DIAPH2: variants seen among roughly 807,000 people sequenced by gnomAD.
The protein encoded by DIAPH2 is diaphanous related formin 2.
In DIAPH2, 35 loss-of-function variants were observed where a neutral mutation model predicts 92.7. The observed-to-expected ratio is 0.38, with a 90% CI of 0.29 to 0.50. The LOEUF (loss-of-function observed/expected upper bound fraction) is 0.50. Ranked by LOEUF, DIAPH2 falls within the 20% of genes least tolerant of loss-of-function variation. The probability of loss-of-function intolerance (pLI) is 0.94; values close to 1 mark genes in which losing one functional copy is unlikely to be tolerated. For synonymous variants in DIAPH2, 301 were observed against 280.4 expected, an observed-to-expected ratio of 1.07 and a Z score of -0.73; for missense variants, 701 against 819.5, an observed-to-expected ratio of 0.86 and a Z score of 1.77.
chrX:97,515,693 A>C (rs189694403), intron 26 of DIAPH2, among the ~76,000 whole-genome samples: 58 of 111,381 alleles, frequency 5.2e-4, no homozygotes, highest in African/African-American at 1.9e-3. Flanking sequence ...TTGTATCTTC[A>C]GAGATAAGGA....
intron 26 of DIAPH2, among the ~76,000 whole-genome samples, chrX:97,539,869 A>G (rs933744573): frequency 1.8e-5 from 2 of 111,927 alleles, no homozygotes; most frequent in Non-Finnish European, 3.8e-5. Flanking sequence ...ACACAAATTT[A>G]TACTTACTTC....
intron 22 of DIAPH2, among the ~76,000 whole-genome samples, chrX:97,220,210 C>T (rs762849780): frequency 9.1e-6 from 1 of 110,402 alleles, no homozygotes; most frequent in Admixed American, 9.7e-5. Flanking sequence ...TCAGTTCAGG[C>T]CTGACTCCTA....
intron 1 of DIAPH2, among the ~76,000 whole-genome samples, chrX:96,710,745 T>C (rs1374632588): frequency 9.0e-6 from 1 of 110,714 alleles, no homozygotes; most frequent in Non-Finnish European, 1.9e-5. Context: ...AACGGGGGGT[T>C]TTTGGTTACA....
At chrX:97,173,948 T>G (rs752823241) in intron 22 of DIAPH2, among the ~76,000 whole-genome samples, 1 of 106,956 alleles carries the variant, frequency 9.3e-6, no homozygotes, top group Non-Finnish European at 1.9e-5. Context: ...AATAGAATAG[T>G]ATCTAATGGT....
intron 1 of DIAPH2, among the ~76,000 whole-genome samples, chrX:96,708,246 ATT>A (rs761334810): frequency 1.4e-4 from 5 of 36,020 alleles, no homozygotes; most frequent in Non-Finnish European, 2.3e-4. Flanking sequence ...CACCCAGATC[ATT>A]TTTTTTTTTT....
At chrX:97,402,904 G>A in intron 25 of DIAPH2, among the ~76,000 whole-genome samples, 1 of 112,229 alleles carries the variant, frequency 8.9e-6, no homozygotes, top group South Asian at 3.7e-4. Flanking sequence ...TGTGAAAAAT[G>A]GACAACCAAG....
intron 22 of DIAPH2, among the ~76,000 whole-genome samples, chrX:97,196,202 A>T (rs1178995265): frequency 1.1e-5 from 1 of 90,086 alleles, no homozygotes; most frequent in Non-Finnish European, 2.1e-5. Flanking sequence ...AGTGATACAC[A>T]TACACACACA....
chrX:96,825,120 A>ATT (rs72064770), intron 4 of DIAPH2, among the ~76,000 whole-genome samples: 31 of 89,419 alleles, frequency 3.5e-4, no homozygotes, highest in African/African-American at 1.1e-3. Context: ...TAATTTTTGT[A>ATT]TTTTTTTTTT....
chrX:96,953,908 G>C (rs1188927783), intron 15 of DIAPH2: 1 of 111,826 alleles, frequency 8.9e-6, no homozygotes, highest in Non-Finnish European at 1.9e-5. Context: ...ATTCCTACTA[G>C]TTCAGTTTCA....
chrX:97,124,572 G>T (rs1413208482), intron 21 of DIAPH2, among the ~76,000 whole-genome samples: 1 of 112,105 alleles, frequency 8.9e-6, no homozygotes. Context: ...AATGTAATTT[G>T]TCTGATGCAG....
chrX:96,901,532 GTTTTTTTTTTTTTT>G (rs369526046), intron 5 of DIAPH2, among the ~76,000 whole-genome samples: 49 of 33,091 alleles, frequency 1.5e-3, no homozygotes, highest in African/African-American at 3.5e-3. Flanking sequence ...TTTTCTTTCT[GTTTTTTTTTTTTTT>G]TTTTTTTTTT....
At chrX:96,724,924 T>C (rs1044908505) in intron 1 of DIAPH2, among the ~76,000 whole-genome samples, 2 of 111,740 alleles carry the variant, frequency 1.8e-5, no homozygotes, top group African/African-American at 6.5e-5. Context: ...GCTCATCTTT[T>C]TTATATTGCA....
At chrX:96,938,104 G>T (rs767819433) in intron 11 of DIAPH2, among the ~76,000 whole-genome samples, 17 of 110,746 alleles carry the variant, frequency 1.5e-4, no homozygotes, top group Admixed American at 2.9e-4. Context: ...CCCAAAGCTG[G>T]AAGTAATATT....
chrX:96,686,986 A>G (rs1440835508), intron 1 of DIAPH2, among the ~76,000 whole-genome samples: 1 of 111,726 alleles, frequency 9.0e-6, no homozygotes, highest in Non-Finnish European at 1.9e-5. Flanking sequence ...GATAGAAATT[A>G]TTTGTGTAGG....
intron 26 of DIAPH2, among the ~76,000 whole-genome samples, chrX:97,594,669 C>A (rs1177967480): frequency 1.8e-5 from 2 of 112,812 alleles, no homozygotes; most frequent in Non-Finnish European, 3.7e-5. Context: ...TTGGAGAAAG[C>A]AAAGCTCATT....
intron 22 of DIAPH2, among the ~76,000 whole-genome samples, chrX:97,152,990 G>A (rs1198968906): frequency 8.9e-6 from 1 of 111,754 alleles, no homozygotes; most frequent in Non-Finnish European, 1.9e-5. Context: ...TGAGAATCAG[G>A]ACACACACAT....
intron 23 of DIAPH2, among the ~76,000 whole-genome samples, chrX:97,300,416 T>C (rs1419722930): frequency 9.0e-6 from 1 of 110,502 alleles, no homozygotes; most frequent in Non-Finnish European, 1.9e-5. Flanking sequence ...GAAAAAGAAA[T>C]AACATTTTCT....
intron 5 of DIAPH2, among the ~76,000 whole-genome samples, chrX:96,882,683 G>A (rs1301456331): frequency 2.7e-5 from 3 of 109,868 alleles, no homozygotes; most frequent in East Asian, 2.9e-4. Context: ...TTGGCCGGGC[G>A]TGGGGGCTCA....
At chrX:97,324,691 T>A (rs1214160467) in intron 23 of DIAPH2, among the ~76,000 whole-genome samples, 1 of 112,288 alleles carries the variant, frequency 8.9e-6, no homozygotes, top group East Asian at 2.8e-4. Flanking sequence ...TATCAATGCC[T>A]ACAGGAAAAC....
Sources: gnomAD v4.1 joint callset for allele counts (sites outside exome capture counted in the v4.1 genomes callset) on GRCh38, gnomAD v4.1.1 for gene constraint, MANE v1.5 for transcripts, NCBI Gene and HGNC (gene_info 2026-07-23, HGNC 2026-07-21) for gene names.